Variants in TMEM260 observed in about 807,000 individuals in gnomAD.
TMEM260 encodes the protein protein O-mannosyl-transferase TMEM260.
A neutral mutation model predicts 88.9 loss-of-function variants in TMEM260; 82 were observed. That is an observed-to-expected ratio of 0.92 (90% CI 0.77 to 1.11). The LOEUF (loss-of-function observed/expected upper bound fraction) is 1.11, where lower values mean the gene tolerates loss of function less well. Among genes scored for constraint, TMEM260 ranks in the 50% least tolerant of loss-of-function variants. The pLI, the probability that TMEM260 is intolerant of heterozygous loss-of-function variation, is 0.00. For missense variants in TMEM260, 902 were observed against 853.4 expected (o/e 1.06, Z -0.71); for synonymous variants, 314 against 309.3 (o/e 1.02, Z -0.16).
At chr14:56,582,660 A>G (rs1157420465) in intron 1 of TMEM260, among the ~76,000 whole-genome samples, 1 of 152,192 alleles carries the variant, frequency 6.6e-6, no homozygotes, top group Non-Finnish European at 1.5e-5. Flanking sequence ...AGGTGTGGGC[A>G]AGGAATCTTC....
chr14:56,602,266 TAGAA>T (rs764318364), intron 3 of TMEM260, among the ~76,000 whole-genome samples: 22 of 152,148 alleles, frequency 1.4e-4, no homozygotes, highest in South Asian at 6.2e-4. Flanking sequence ...TTTAAATAAA[TAGAA>T]AGGAGCAGGG....
intron 12 of TMEM260, among the ~76,000 whole-genome samples, chr14:56,629,800 G>A (rs1252492154): frequency 5.3e-5 from 8 of 152,174 alleles, no homozygotes; most frequent in Non-Finnish European, 1.2e-4. Context: ...CACTTTGGGA[G>A]GCTGAGGCAG....
chr14:56,656,260 A>T, the TMEM260 span, among the ~76,000 whole-genome samples: 1 of 152,122 alleles, frequency 6.6e-6, no homozygotes, highest in Non-Finnish European at 1.5e-5. Context: ...TCTACAAAAA[A>T]TTTTTAAAAA....
downstream of TMEM260, among the ~76,000 whole-genome samples, chr14:56,651,951 G>A (rs978646874): frequency 1.3e-5 from 2 of 152,178 alleles, no homozygotes; most frequent in Non-Finnish European, 2.9e-5. Context: ...ATCTGAAAGG[G>A]TATTTTTTGA....
intron 3 of TMEM260, among the ~76,000 whole-genome samples, chr14:56,597,667 G>T (rs1292235834): frequency 1.3e-5 from 2 of 152,180 alleles, no homozygotes; most frequent in Non-Finnish European, 2.9e-5. Context: ...GCGGGCATAG[G>T]ACTGGGGGCA....
At chr14:56,652,124 C>T (rs1890217526), downstream of TMEM260, among the ~76,000 whole-genome samples, 1 of 152,194 alleles carries the variant, frequency 6.6e-6, no homozygotes, top group Non-Finnish European at 1.5e-5. Flanking sequence ...TGGAAAATCA[C>T]ACCCAGTTTT....
intron 1 of TMEM260, 40 bp downstream of exon 1, chr14:56,580,114 C>G: frequency 8.0e-7 from 1 of 1,245,918 alleles, no homozygotes; most frequent in South Asian, 4.1e-5. Flanking sequence ...TCCCTCTCCC[C>G]TGGTCCCAGA....
At chr14:56,615,011 C>T (rs1887514635) in intron 7 of TMEM260, among the ~76,000 whole-genome samples, 1 of 152,186 alleles carries the variant, frequency 6.6e-6, no homozygotes, top group Admixed American at 6.5e-5. Context: ...TTAGCGCTTA[C>T]ACTTAAGCAA....
chr14:56,580,006 CGGT>C lies in TMEM260; in HGVS notation c.94_96del (p.Val32del). On this transcript the variant is annotated inframe_deletion, in exon 1 of 16. Coordinates refer to ENST00000261556, the MANE Select transcript of TMEM260 (RefSeq NM_017799.4). The stretch of plus-strand genomic sequence containing the variant: ...TCCGGGGGCATCCGCGGCGGCGTGG[CGGT>C]GTTCGCCGCCGTGGCCGCAGTGTTC... The C allele has an allele frequency of 4.8e-6, 6 of 1,247,342 alleles. No homozygotes were observed. Among genetic ancestry groups the C allele is most frequent in the Non-Finnish European group, 6.1e-6 (6 of 989,146 alleles). The allele number at this position is 1,247,342 out of a possible 1,614,324, so 77.3% of individuals were successfully genotyped here.
chr14:56,626,151 ATGAT>A (rs1267269687), intron 12 of TMEM260, among the ~76,000 whole-genome samples: 1 of 152,182 alleles, frequency 6.6e-6, no homozygotes, highest in Non-Finnish European at 1.5e-5. Context: ...CACTTATTTC[ATGAT>A]TTATTTTTTC....
At chr14:56,594,820 T>G (rs17091761) in intron 3 of TMEM260, among the ~76,000 whole-genome samples, 2,986 of 152,348 alleles carry the variant, frequency 0.02, 67 homozygotes, top group East Asian at 0.089. Flanking sequence ...TTAATAGTAT[T>G]GTATGCAAAA....
chr14:56,637,173 G>C (rs1379694051), intron 15 of TMEM260, among the ~76,000 whole-genome samples: 1 of 152,202 alleles, frequency 6.6e-6, no homozygotes, highest in Non-Finnish European at 1.5e-5. Context: ...ACCTTCAGAA[G>C]TGTGAGATAA....
In TMEM260 at chr14:56,593,677, C is replaced by CTTTTTTTTTTTTTT. The variant is rs34268894; in HGVS notation, c.344+7780_344+7793dup. ...ATTATTGGTATTGACAGGTGAGTGT[C>CTTTTTTTTTTTTTT]TTTTTTTTTTTTTTTTTTTTTTTTT... On this transcript the variant is annotated intron_variant, in intron 3 of 15. Coordinates refer to ENST00000261556, the MANE Select transcript of TMEM260 (RefSeq NM_017799.4). Among the ~76,000 whole-genome samples, 4 of 63,506 alleles carry CTTTTTTTTTTTTTT rather than the reference C, an allele frequency of 6.3e-5. No homozygotes were observed. The East Asian group carries it at 1.4e-3, about 22-fold the overall frequency. 41.7% of individuals were successfully genotyped at this position (63,506 alleles called of 152,430 possible). A position where few individuals can be genotyped will look rare whatever the true frequency, so the allele number is the denominator to read the frequency against.
chr14:56,618,821 T>C, intron 10 of TMEM260, 58 bp downstream of exon 10: 1 of 1,503,422 alleles, frequency 6.7e-7, no homozygotes, highest in Non-Finnish European at 9.2e-7. Flanking sequence ...CCTGAATATT[T>C]AGATTCTAAC....
downstream of TMEM260, among the ~76,000 whole-genome samples, chr14:56,652,307 G>A (rs1175006937): frequency 6.6e-6 from 1 of 151,938 alleles, no homozygotes; most frequent in Non-Finnish European, 1.5e-5. Flanking sequence ...ACCATCCTGG[G>A]CAACATGGTG....
At chr14:56,620,349 T>C (rs1887840532) in intron 10 of TMEM260, among the ~76,000 whole-genome samples, 1 of 152,076 alleles carries the variant, frequency 6.6e-6, no homozygotes, top group African/African-American at 2.4e-5. Flanking sequence ...GAGCTGGTGT[T>C]AGGAAGGCCA....
At chr14:56,639,300 AAAAGAGTATAATTGGATTGTAACAC>A (rs1889381303) in intron 15 of TMEM260, among the ~76,000 whole-genome samples, 1 of 141,190 alleles carries the variant, frequency 7.1e-6, no homozygotes, top group South Asian at 2.1e-4. Context: ...AAAAATAACT[AAAAGAGTATAATTGGATTGTAACAC>A]AAAGAAGGGA....
rs1342654698 is a variant in TMEM260 at position 56,607,697 on chromosome 14, G to C, written c.637-1409G>C. ...ATATCTGTATGTACATATATACATA[G>C]GGACGTGTGTGTGTGTATATATATA... On this transcript the variant is annotated intron_variant, in intron 5 of 15. Transcript: ENST00000261556. 3.3e-5 allele frequency among the ~76,000 whole-genome samples: 5 copies of C among 151,970 alleles called. No individual in the cohort carries two copies. The East Asian group carries it at 9.7e-4, about 30-fold the overall frequency.
chr14:56,582,520 A>G (rs1032385372), intron 1 of TMEM260, among the ~76,000 whole-genome samples: 2 of 152,136 alleles, frequency 1.3e-5, no homozygotes, highest in Non-Finnish European at 2.9e-5. Context: ...TCTGCTGACA[A>G]CTCTGGGCTT....
Sources: gnomAD v4.1 joint callset for allele counts (sites outside exome capture counted in the v4.1 genomes callset) on GRCh38, gnomAD v4.1.1 for gene constraint, MANE v1.5 for transcripts, NCBI Gene and HGNC (gene_info 2026-07-23, HGNC 2026-07-21) for gene names.